ZNF469: variants seen among roughly 807,000 people sequenced by gnomAD.
The protein encoded by ZNF469 is zinc finger protein 469.
In ZNF469, 1 loss-of-function variant was observed where a neutral mutation model predicts 1.0. That is an observed-to-expected ratio of 1.00 (90% CI 0.35 to 4.73). ZNF469 has a LOEUF of 4.73. ZNF469 is among the 30% of genes most tolerant of loss of function. ZNF469 has a pLI of 0.16. For synonymous variants in ZNF469, 2,703 were observed against 2,363.4 expected (o/e 1.14, Z -4.17); for missense variants, 6,100 against 5,356.3 (o/e 1.14, Z -4.33).
the ZNF469 span, among the ~76,000 whole-genome samples, chr16:88,187,695 C>A: frequency 6.8e-6 from 1 of 147,930 alleles, no homozygotes; most frequent in Admixed American, 6.8e-5. Context: ...AGTAGTCCAA[C>A]TTAATTCCAG....
At chr16:88,295,529 C>T in the ZNF469 span, among the ~76,000 whole-genome samples, 1 of 152,182 alleles carries the variant, frequency 6.6e-6, no homozygotes, top group African/African-American at 2.4e-5. Context: ...GCGTCAACGG[C>T]TGTAGCTGAG....
At chr16:88,392,783 A>G (rs544538664) in intron 1 of ZNF469, among the ~76,000 whole-genome samples, 1 of 152,270 alleles carries the variant, frequency 6.6e-6, no homozygotes, top group Non-Finnish European at 1.5e-5. Context: ...GAAGACTCCT[A>G]TTCATCCTTC....
the ZNF469 span, among the ~76,000 whole-genome samples, chr16:88,214,544 G>T: frequency 0.017 from 2,644 of 152,028 alleles, 32 homozygotes; most frequent in Non-Finnish European, 0.027. Flanking sequence ...CTGGGGTACA[G>T]TGCAGAACGT....
the ZNF469 span, among the ~76,000 whole-genome samples, chr16:88,322,982 A>C: frequency 6.6e-5 from 10 of 152,286 alleles, no homozygotes; most frequent in Non-Finnish European, 1.5e-4. Flanking sequence ...GCATGCTTAC[A>C]ACGCTGTCAG....
At chr16:88,155,117 G>A in the ZNF469 span, among the ~76,000 whole-genome samples, 3 of 152,206 alleles carry the variant, frequency 2.0e-5, no homozygotes, top group African/African-American at 7.2e-5. Context: ...GGGGTACAGG[G>A]CTAGGCTGGC....
the ZNF469 span, among the ~76,000 whole-genome samples, chr16:88,108,038 G>A: frequency 4.6e-5 from 7 of 152,254 alleles, no homozygotes; most frequent in Non-Finnish European, 7.3e-5. Context: ...GCAGGGTAGA[G>A]AAGAGAAGAC....
At chr16:88,251,430 T>C in the ZNF469 span, among the ~76,000 whole-genome samples, 1 of 152,172 alleles carries the variant, frequency 6.6e-6, no homozygotes, top group Non-Finnish European at 1.5e-5. Flanking sequence ...TGGAATCTGT[T>C]GTGTTCTTCT....
At position 88,428,695 on chromosome 16, in the gene ZNF469, C is replaced by G; in HGVS notation, c.1225C>G (p.Gln409Glu). The change falls in exon 3 of 3, where the codon CAG (glutamine) becomes GAG (glutamate). Residue 409 changes from glutamine to glutamate, a missense_variant. Coordinates refer to ENST00000565624, the MANE Select transcript of ZNF469 (RefSeq NM_001367624.2). ...CCTACCCCAGAGGCACTTTCCAGGG[C>G]AGGCGTACAGAGCCAGTGGGGTGGA... ...SSLPQRHFPGQAYRASGVDTS... is the reference protein window; with the variant it reads ...SSLPQRHFPGEAYRASGVDTS... 6.5e-7 allele frequency: 1 copy of G among 1,549,364 alleles called. No homozygotes were observed. The highest frequency in any genetic ancestry group is 8.7e-7 in the Non-Finnish European group (1 of 1,146,814).
intron 1 of ZNF469, among the ~76,000 whole-genome samples, chr16:88,404,629 C>G (rs1348475701): frequency 1.3e-5 from 2 of 152,128 alleles, no homozygotes; most frequent in Admixed American, 6.5e-5. Flanking sequence ...TGCCCACGGA[C>G]GTGCTGCTAT....
chr16:88,389,540 G>A lies in ZNF469; in HGVS notation c.-192+6286G>A, dbSNP rs367565719. Among the ~76,000 whole-genome samples, 6 of 152,296 alleles carry A rather than the reference G, an allele frequency of 3.9e-5. No individual in the cohort carries two copies. The East Asian group carries it at 7.7e-4, about 20-fold the overall frequency. On this transcript the variant is annotated intron_variant, in intron 1 of 2. Transcript: ENST00000565624. ...AGCTTCCTGGGGATGGAAGTGCTTCGTCCCGTGGCCACCCTGGCCTTCAAG... is the reference window on the plus strand; with the variant it reads ...AGCTTCCTGGGGATGGAAGTGCTTCATCCCGTGGCCACCCTGGCCTTCAAG...
At chr16:88,421,123 G>A (rs777774749) in intron 1 of ZNF469, among the ~76,000 whole-genome samples, 1 of 152,154 alleles carries the variant, frequency 6.6e-6, no homozygotes, top group Non-Finnish European at 1.5e-5. Flanking sequence ...GTGAGGCGAA[G>A]AGGGTTGGGA....
At chr16:88,346,581 C>T in the ZNF469 span, among the ~76,000 whole-genome samples, 8 of 152,230 alleles carry the variant, frequency 5.3e-5, no homozygotes, top group South Asian at 8.3e-4. Context: ...TGCAGTGGCA[C>T]GATGTTGGCT....
intron 1 of ZNF469, among the ~76,000 whole-genome samples, chr16:88,418,379 T>G (rs1276518116): frequency 2.0e-5 from 3 of 152,078 alleles, no homozygotes; most frequent in African/African-American, 4.8e-5. Flanking sequence ...TGGCCACTGA[T>G]GAGGTCCTGG....
Position 88,431,896 on chromosome 16 carries a change from A to T in ZNF469, c.4426A>T (p.Arg1476Trp). ...CCTCTATGGCAGCCTGTCTGCGAAC[A>T]GGGACTCCGGTCTGCCGTTCGCATG... Reference protein sequence around the residue: ...PPLYGSLSANRDSGLPFACAD... With the variant: ...PPLYGSLSANWDSGLPFACAD... The change falls in exon 3 of 3, where the codon AGG (arginine) becomes TGG (tryptophan). Residue 1476 changes from arginine (R) to tryptophan (W), a missense_variant. Transcript: ENST00000565624. 6.5e-7 allele frequency: 1 copy of T among 1,549,832 alleles called. No homozygotes were observed. The highest frequency in any genetic ancestry group is 8.7e-7 in the Non-Finnish European group (1 of 1,146,872).
the ZNF469 span, among the ~76,000 whole-genome samples, chr16:88,348,401 C>A: frequency 6.6e-6 from 1 of 152,214 alleles, no homozygotes; most frequent in African/African-American, 2.4e-5. Flanking sequence ...GCGAACCCAG[C>A]TCCATGACAC....
the ZNF469 span, among the ~76,000 whole-genome samples, chr16:88,260,214 C>T: frequency 6.6e-6 from 1 of 151,940 alleles, no homozygotes; most frequent in African/African-American, 2.4e-5. This position sits in a 1 kb window ranked among gnomAD's most constrained non-coding sequence, Gnocchi z 4.1. Context: ...GTCTCACACT[C>T]CTGACCTCAA....
the ZNF469 span, among the ~76,000 whole-genome samples, chr16:88,220,977 C>T: frequency 6.6e-6 from 1 of 152,202 alleles, no homozygotes; most frequent in Admixed American, 6.5e-5. Context: ...CACCAGTAAG[C>T]ACCACCCTAC....
the ZNF469 span, among the ~76,000 whole-genome samples, chr16:88,137,390 G>T: frequency 1.3e-5 from 2 of 152,000 alleles, no homozygotes; most frequent in African/African-American, 4.8e-5. Flanking sequence ...CATGTGTGCG[G>T]TTGTGTACAT....
Position 88,427,675 on chromosome 16 carries a change from AG to A in ZNF469, c.208del (p.Asp70ThrfsTer9). 1 of 1,533,980 alleles carries A rather than the reference AG, an allele frequency of 6.5e-7. No individual in the cohort carries two copies. The highest frequency in any genetic ancestry group is 8.7e-7 in the Non-Finnish European group (1 of 1,143,388). ...ELPEAQPRQA[R>X]DGELKPPSLR... ...CCCCGAGGCCCAGCCAAGGCAGGCC[AG>A]GGACGGGGAGCTCAAGCCCCCATCC... On this transcript the variant is annotated frameshift_variant, in exon 3 of 3. Transcript: ENST00000565624. LOFTEE classifies it low-confidence loss of function (END_TRUNC).
Sources: gnomAD v4.1 joint callset for allele counts (sites outside exome capture counted in the v4.1 genomes callset) on GRCh38, gnomAD v4.1.1 for gene constraint, Gnocchi (gnomAD v3.1) non-coding constraint, MANE v1.5 for transcripts, NCBI Gene and HGNC (gene_info 2026-07-23, HGNC 2026-07-21) for gene names.